The following KLF12 variants were observed in gnomAD, a reference collection of about 807,000 sequenced individuals.
KLF12 encodes the protein Krueppel-like factor 12.
KLF12 carries 9 observed loss-of-function variants against 37.8 expected under a neutral mutation model. The observed-to-expected ratio is 0.24, with a 90% CI of 0.14 to 0.42. The LOEUF is 0.42. KLF12 is among the 10% of genes least tolerant of loss of function. KLF12 has a pLI of 1.00. For missense variants in KLF12, 411 were observed against 516.0 expected (o/e 0.80, Z 1.97); for synonymous variants, 208 against 202.1 (o/e 1.03, Z -0.25).
chr13:73,908,997 C>T (rs1888447252), intron 3 of KLF12, among the ~76,000 whole-genome samples: 1 of 152,174 alleles, frequency 6.6e-6, no homozygotes, highest in Non-Finnish European at 1.5e-5. Flanking sequence ...GCACAGTTGG[C>T]ATTGTGGCAA....
chr13:74,085,730 G>T (rs188678109), intron 1 of KLF12, among the ~76,000 whole-genome samples: 2 of 152,120 alleles, frequency 1.3e-5, no homozygotes, highest in East Asian at 3.9e-4. Flanking sequence ...CCAATTCCTG[G>T]GCACCACCTT....
chr13:73,794,735 A>G (rs1881868803), intron 5 of KLF12, among the ~76,000 whole-genome samples: 1 of 152,168 alleles, frequency 6.6e-6, no homozygotes, highest in African/African-American at 2.4e-5. Context: ...TCTTTTCACC[A>G]TCTTCAATTA....
At chr13:73,945,906 G>T (rs917318390) in intron 2 of KLF12, among the ~76,000 whole-genome samples, 1 of 152,166 alleles carries the variant, frequency 6.6e-6, no homozygotes, top group Non-Finnish European at 1.5e-5. Flanking sequence ...TGGGTGAGTT[G>T]TTCTAAACTT....
chr13:74,151,371 C>T, the KLF12 span, among the ~76,000 whole-genome samples: 2 of 152,244 alleles, frequency 1.3e-5, no homozygotes, highest in East Asian at 3.9e-4. Context: ...AATCTCCAGG[C>T]CGGGCACGGT....
At chr13:74,107,083 G>A (rs941661263) in intron 1 of KLF12, among the ~76,000 whole-genome samples, 2 of 151,874 alleles carry the variant, frequency 1.3e-5, no homozygotes, top group East Asian at 1.9e-4. Context: ...CACAGATGGC[G>A]CTTGTCTTCA....
At chr13:73,888,409 T>TGC (rs1887339332) in intron 3 of KLF12, among the ~76,000 whole-genome samples, 1 of 152,074 alleles carries the variant, frequency 6.6e-6, no homozygotes, top group African/African-American at 2.4e-5. Context: ...TAAGACTGTG[T>TGC]TTTGATTATG....
intron 3 of KLF12, among the ~76,000 whole-genome samples, chr13:73,940,654 GAATA>G (rs1421933508): frequency 9.3e-4 from 142 of 152,276 alleles, no homozygotes; most frequent in Non-Finnish European, 9.3e-4. Flanking sequence ...CAGACAAGCT[GAATA>G]AATAATGTAT....
chr13:73,979,150 T>C (rs1311723577), intron 2 of KLF12, among the ~76,000 whole-genome samples: 2 of 152,138 alleles, frequency 1.3e-5, no homozygotes, highest in African/African-American at 2.4e-5. Context: ...GAAACACTAA[T>C]ATAAACCAGG....
intron 7 of KLF12, among the ~76,000 whole-genome samples, chr13:73,702,631 T>C (rs1874642595): frequency 6.6e-6 from 1 of 152,158 alleles, no homozygotes; most frequent in Non-Finnish European, 1.5e-5. Context: ...TTTTCTTAGG[T>C]TCAGAAGTGC....
At chr13:73,905,866 A>G (rs1465126715) in intron 3 of KLF12, among the ~76,000 whole-genome samples, 1 of 152,094 alleles carries the variant, frequency 6.6e-6, no homozygotes, top group East Asian at 1.9e-4. Flanking sequence ...ATCTAAAACC[A>G]AACAGATATC....
In KLF12 at chr13:73,710,378, CTGTGTGTGTGTGTGTGTG is replaced by C. The variant is rs59799453; in HGVS notation, c.1027+4972_1027+4989del. 1.2e-4 allele frequency among the ~76,000 whole-genome samples: 17 copies of C among 144,000 alleles called. 1 individual carries two copies. In the South Asian group the frequency reaches 3.6e-3, roughly 31 times the overall value. The allele number at this position is 144,000 out of a possible 152,430, so 94.5% of individuals were successfully genotyped here. On this transcript the variant is annotated intron_variant, in intron 7 of 7. Coordinates refer to ENST00000377669, the MANE Select transcript of KLF12 (RefSeq NM_007249.5). The stretch of plus-strand genomic sequence containing the variant: ...CTTTATTGCATTTCGAAGATATTGT[CTGTGTGTGTGTGTGTGTG>C]TGTGTGTGTGTGTGTGTGTGTGTTT...
At chr13:73,906,770 GA>G (rs1888320345) in intron 3 of KLF12, among the ~76,000 whole-genome samples, 1 of 152,128 alleles carries the variant, frequency 6.6e-6, no homozygotes, top group Non-Finnish European at 1.5e-5. Context: ...TAAAATCCTG[GA>G]AACATACAAT....
intron 2 of KLF12, among the ~76,000 whole-genome samples, chr13:73,963,111 G>A (rs767920524): frequency 3.2e-4 from 49 of 152,032 alleles, no homozygotes; most frequent in Non-Finnish European, 5.6e-4. Flanking sequence ...TTTTCCCCTA[G>A]CAGTAAAGAA....
intron 6 of KLF12, among the ~76,000 whole-genome samples, chr13:73,761,132 C>T (rs529236497): frequency 2.9e-5 from 4 of 137,230 alleles, no homozygotes; most frequent in African/African-American, 8.3e-5. Context: ...TTAAAAAGAT[C>T]TGCCAAGAAT....
At chr13:74,140,869 T>C in the KLF12 span, among the ~76,000 whole-genome samples, 326 of 152,112 alleles carry the variant, frequency 2.1e-3, 2 homozygotes, top group African/African-American at 5.9e-3. Context: ...CTGGCTAACA[T>C]GGTGAAACCC....
At chr13:74,042,276 C>T (rs1288448049) in intron 1 of KLF12, among the ~76,000 whole-genome samples, 1 of 149,440 alleles carries the variant, frequency 6.7e-6, no homozygotes, top group Admixed American at 6.7e-5. Flanking sequence ...TGCACTCCAG[C>T]CTGGGTGACA....
At chr13:73,908,401 C>CAAA (rs200413877) in intron 3 of KLF12, among the ~76,000 whole-genome samples, 63,731 of 128,314 alleles carry the variant, frequency 0.5, 15,117 homozygotes, top group Non-Finnish European at 0.54. Context: ...GACTCTGTCT[C>CAAA]AAAAAAAAAA....
intron 2 of KLF12, among the ~76,000 whole-genome samples, chr13:73,959,124 C>CAAAAA (rs66521656): frequency 4.8e-4 from 42 of 86,890 alleles, no homozygotes; most frequent in South Asian, 1.1e-3. Context: ...ACCCCCCTTC[C>CAAAAA]AAAAAAAAAC....
chr13:74,227,885 T>C, the KLF12 span, among the ~76,000 whole-genome samples: 1 of 152,178 alleles, frequency 6.6e-6, no homozygotes, highest in African/African-American at 2.4e-5. Context: ...ACAGATAATA[T>C]AATTTTTTAA....
Sources: allele counts gnomAD v4.1 joint callset (sites outside exome capture counted in the v4.1 genomes callset), GRCh38; gene constraint gnomAD v4.1.1; transcripts MANE v1.5; gene names NCBI Gene and HGNC (gene_info 2026-07-23, HGNC 2026-07-21).